Variants in RAI14 observed in about 807,000 individuals in gnomAD.
RAI14 encodes the protein ankycorbin.
RAI14 carries 45 observed loss-of-function variants against 115.4 expected under a neutral mutation model. The ratio of observed to expected loss-of-function variants is 0.39; its 90% confidence interval spans 0.31 to 0.50. The LOEUF is 0.50. RAI14 is among the 20% of genes least tolerant of loss of function. The pLI is 0.85. For synonymous variants in RAI14, 371 were observed against 415.4 expected (o/e 0.89, Z 1.30); for missense variants, 939 against 1,131.2 (o/e 0.83, Z 2.44).
intron 2 of RAI14, chr5:34,688,183 A>G (rs756631288): frequency 1.8e-5 from 28 of 1,549,392 alleles, no homozygotes; most frequent in South Asian, 1.4e-4. Context: ...CTTCAACCTC[A>G]TCGTCTGCTG....
intron 2 of RAI14, among the ~76,000 whole-genome samples, chr5:34,724,341 T>G (rs1226094162): frequency 6.6e-6 from 1 of 152,152 alleles, no homozygotes; most frequent in Non-Finnish European, 1.5e-5. Context: ...AGAGGACAGA[T>G]CCATATCCTT....
intron 2 of RAI14, among the ~76,000 whole-genome samples, chr5:34,730,398 C>T (rs951412266): frequency 6.6e-6 from 1 of 152,134 alleles, no homozygotes; most frequent in Non-Finnish European, 1.5e-5. Flanking sequence ...ATTGGCCAGG[C>T]ATGGATGGTG....
intron 3 of RAI14, among the ~76,000 whole-genome samples, chr5:34,790,634 ATAGT>A (rs1361965952): frequency 3.3e-5 from 5 of 151,950 alleles, no homozygotes; most frequent in East Asian, 3.8e-4. Context: ...GACTTTCTAG[ATAGT>A]TATTCTTTCT....
intron 2 of RAI14, chr5:34,688,406 C>A: frequency 1.6e-6 from 1 of 642,284 alleles, no homozygotes; most frequent in South Asian, 2.6e-5. Context: ...GTCTAGACTT[C>A]CATATATATA....
chr5:34,776,803 T>TCAAAAAAAAAAAACAACAAA (rs1279080501), intron 3 of RAI14, among the ~76,000 whole-genome samples: 40 of 144,974 alleles, frequency 2.8e-4, no homozygotes, highest in Admixed American at 1.7e-3. Context: ...TGAGACCCTT[T>TCAAAAAAAAAAAACAACAAA]ATTAAAAAAA....
At chr5:34,665,900 A>G (rs1457469788) in intron 1 of RAI14, among the ~76,000 whole-genome samples, 2 of 152,216 alleles carry the variant, frequency 1.3e-5, no homozygotes, top group Admixed American at 6.5e-5. Context: ...TATACTCTCA[A>G]TTTGAAAACT....
chr5:34,828,197 G>A (rs1757638664), intron 16 of RAI14, among the ~76,000 whole-genome samples: 1 of 152,140 alleles, frequency 6.6e-6, no homozygotes, highest in Admixed American at 6.5e-5. Flanking sequence ...CAAGCTTGCT[G>A]GAAAGATGGG....
intron 1 of RAI14, chr5:34,684,886 T>C (rs1034287049): frequency 6.6e-6 from 1 of 152,208 alleles, no homozygotes; most frequent in African/African-American, 2.4e-5. Context: ...TCCTCAGTTC[T>C]CCTCTGGGAT....
At chr5:34,706,942 C>A (rs779617776) in intron 2 of RAI14, among the ~76,000 whole-genome samples, 1 of 152,178 alleles carries the variant, frequency 6.6e-6, no homozygotes, top group Admixed American at 6.5e-5. Context: ...TCTTGCCCTA[C>A]CCCGCATCAA....
At chr5:34,773,155 AACG>A (rs1750405966) in intron 3 of RAI14, among the ~76,000 whole-genome samples, 1 of 152,214 alleles carries the variant, frequency 6.6e-6, no homozygotes, top group Admixed American at 6.5e-5. Context: ...CTTGGCAAAA[AACG>A]ATGGTGTGAC....
intron 16 of RAI14, among the ~76,000 whole-genome samples, chr5:34,829,025 T>C (rs1444626911): frequency 6.6e-6 from 1 of 152,142 alleles, no homozygotes; most frequent in Non-Finnish European, 1.5e-5. Context: ...CATAATTCAA[T>C]AACTCTGAGA....
Position 34,823,400 on chromosome 5 carries a change from T to G in RAI14, c.1558T>G (p.Ser520Ala). The G allele has an allele frequency of 6.2e-7, 1 of 1,614,134 alleles. No individual in the cohort carries two copies. Among genetic ancestry groups the G allele is most frequent in the Non-Finnish European group, 8.5e-7 (1 of 1,180,032 alleles). ...CTCACCTGAAAGCATGGATAATTATTCACATTTCCACGAGCTGAGGGTCAC... is the reference window on the plus strand; with the variant it reads ...CTCACCTGAAAGCATGGATAATTATGCACATTTCCACGAGCTGAGGGTCAC... ...LVSPESMDNY[S>A]HFHELRVTEE... Residue 520 changes from serine (S) to alanine (A), a missense_variant, in exon 15 of 18, where the codon TCA (serine) becomes GCA (alanine). Transcript: ENST00000265109. This position sits in a 1 kb window ranked among gnomAD's most constrained non-coding sequence, Gnocchi z 4.5.
At chr5:34,792,739 T>G (rs538934280) in intron 3 of RAI14, among the ~76,000 whole-genome samples, 1 of 152,348 alleles carries the variant, frequency 6.6e-6, no homozygotes, top group East Asian at 1.9e-4. Flanking sequence ...CAGTGTAAAA[T>G]CAAAGCCAAG....
chr5:34,687,994 A>G, intron 2 of RAI14: 4 of 1,253,618 alleles, frequency 3.2e-6, no homozygotes, highest in Non-Finnish European at 4.3e-6. Context: ...GGATGATGGT[A>G]AAATACCGAC....
At chr5:34,785,977 G>A (rs1161304840) in intron 3 of RAI14, among the ~76,000 whole-genome samples, 1 of 152,086 alleles carries the variant, frequency 6.6e-6, no homozygotes, top group African/African-American at 2.4e-5. Context: ...CGCTGGCAAG[G>A]GTCCACAGAC....
chr5:34,688,828 A>G (rs1163238951), intron 2 of RAI14, among the ~76,000 whole-genome samples: 2 of 152,252 alleles, frequency 1.3e-5, no homozygotes, highest in Non-Finnish European at 2.9e-5. Context: ...TATGATAATA[A>G]TGCTAATAAT....
chr5:34,770,514 A>G (rs1750013424), intron 3 of RAI14, among the ~76,000 whole-genome samples: 1 of 152,258 alleles, frequency 6.6e-6, no homozygotes, highest in Admixed American at 6.5e-5. Context: ...ATAATGTCAA[A>G]TACATTCAAG....
At chr5:34,817,835 T>G (rs1405201950) in intron 12 of RAI14, among the ~76,000 whole-genome samples, 1 of 152,198 alleles carries the variant, frequency 6.6e-6, no homozygotes, top group Non-Finnish European at 1.5e-5. Flanking sequence ...GGACTGGTTG[T>G]AATGAAGCAT....
In RAI14 at chr5:34,779,478, C is replaced by T. The variant is rs571510212; in HGVS notation, c.168-16461C>T. ...TGATTGTATATCTAGAAAACCCCAT[C>T]GTCTCAGCCCAAAATCTCCTTAAGC... On this transcript the variant is annotated intron_variant, in intron 3 of 17. Coordinates refer to ENST00000265109, the MANE Select transcript of RAI14 (RefSeq NM_015577.3). 4.9e-4 allele frequency among the ~76,000 whole-genome samples: 75 copies of T among 152,060 alleles called. No homozygotes were observed. The South Asian group carries it at 5.4e-3, about 11-fold the overall frequency.
Sources: gnomAD v4.1 joint callset for allele counts (sites outside exome capture counted in the v4.1 genomes callset) on GRCh38, gnomAD v4.1.1 for gene constraint, Gnocchi (gnomAD v3.1) non-coding constraint, MANE v1.5 for transcripts, NCBI Gene and HGNC (gene_info 2026-07-23, HGNC 2026-07-21) for gene names.